Variants in ITGA1 observed in about 807,000 individuals in gnomAD.
ITGA1 encodes integrin alpha-1.
Under a neutral mutation model 145.9 loss-of-function variants are expected in ITGA1, and 85 were observed. The observed-to-expected ratio is 0.58, with a 90% CI of 0.49 to 0.70. ITGA1 has a LOEUF of 0.70. Ranked by LOEUF, ITGA1 falls within the 30% of genes least tolerant of loss-of-function variation. The pLI is 0.00. For synonymous variants in ITGA1, 520 were observed against 495.3 expected, an observed-to-expected ratio of 1.05 and a Z score of -0.66; for missense variants, 1,351 against 1,418.7, an observed-to-expected ratio of 0.95 and a Z score of 0.77.
At chr5:52,808,949 T>C (rs1423909108) in intron 1 of ITGA1, among the ~76,000 whole-genome samples, 5 of 152,112 alleles carry the variant, frequency 3.3e-5, no homozygotes, top group Admixed American at 1.3e-4. Context: ...CCTATTCATA[T>C]TGAGTCATTT....
intron 14 of ITGA1, among the ~76,000 whole-genome samples, chr5:52,912,102 G>A (rs1184736101): frequency 7.3e-6 from 1 of 137,010 alleles, no homozygotes; most frequent in African/African-American, 2.7e-5. Context: ...ACTATATATA[G>A]CGTATCTAGT....
chr5:52,855,069 C>T (rs1333419355), intron 2 of ITGA1, among the ~76,000 whole-genome samples: 1 of 152,148 alleles, frequency 6.6e-6, no homozygotes. Flanking sequence ...TGTGCCTGGG[C>T]CTTCACCTTG....
At chr5:52,925,519 CTT>C in intron 19 of ITGA1, 32 bp downstream of exon 19, 1 of 1,485,988 alleles carries the variant, frequency 6.7e-7, no homozygotes, top group Non-Finnish European at 9.4e-7. Context: ...TATTTGTTCT[CTT>C]AACATCATTT....
intron 14 of ITGA1, among the ~76,000 whole-genome samples, chr5:52,910,743 T>C (rs1034933008): frequency 1.4e-5 from 2 of 146,420 alleles, no homozygotes; most frequent in African/African-American, 2.5e-5. Flanking sequence ...ATAGTATGTA[T>C]AGTGTTCCTT....
intron 1 of ITGA1, among the ~76,000 whole-genome samples, chr5:52,848,942 G>A (rs1281415342): frequency 6.6e-6 from 1 of 152,116 alleles, no homozygotes; most frequent in African/African-American, 2.4e-5. Flanking sequence ...ATTCCATGGT[G>A]TATATGTACT....
intron 7 of ITGA1, among the ~76,000 whole-genome samples, chr5:52,886,936 A>C (rs530493554): frequency 5.3e-5 from 8 of 152,008 alleles, no homozygotes; most frequent in Admixed American, 5.2e-4. Flanking sequence ...CCGCCACCGC[A>C]CCCGGCTAAT....
intron 14 of ITGA1, among the ~76,000 whole-genome samples, chr5:52,915,174 CA>C (rs2111863636): frequency 6.6e-6 from 1 of 152,166 alleles, no homozygotes; most frequent in Admixed American, 6.5e-5. Flanking sequence ...AGCACAGAAC[CA>C]ATTACTCATA....
At chr5:52,802,668 C>G (rs957618785) in intron 1 of ITGA1, 1 of 152,142 alleles carries the variant, frequency 6.6e-6, no homozygotes, top group South Asian at 2.1e-4. Flanking sequence ...GTTCTTTGCG[C>G]CAAAACATGC....
rs769816944 is a variant in ITGA1 at position 52,933,920 on chromosome 5, T to C, written c.2888T>C (p.Ile963Thr). ...TCTGCAAGTGAATACCACATTTCAA[T>C]TGCTGCCAATGAGACAGTCCCTGAA... ...YSSASEYHIS[I>T]AANETVPEVI... The change falls in exon 23 of 29, where the codon ATT (isoleucine) becomes ACT (threonine). Residue 963 changes from isoleucine (I) to threonine (T), a missense_variant. By Grantham distance (89) the Ile-to-Thr change is moderately conservative (BLOSUM62 -1). Coordinates refer to ENST00000282588, the MANE Select transcript of ITGA1 (RefSeq NM_181501.2). 2.6e-6 allele frequency: 4 copies of C among 1,533,516 alleles called. No individual in the cohort carries two copies. The highest frequency in any genetic ancestry group is 2.6e-6 in the Non-Finnish European group (3 of 1,135,090). 95.0% of individuals were successfully genotyped at this position (1,533,516 alleles called of 1,614,324 possible). A position where few individuals can be genotyped will look rare whatever the true frequency, so the allele number is the denominator to read the frequency against.
chr5:52,880,000 T>C (rs1018206689), intron 6 of ITGA1, among the ~76,000 whole-genome samples: 6 of 152,264 alleles, frequency 3.9e-5, no homozygotes, highest in African/African-American at 1.4e-4. Context: ...TGTGTTTGTT[T>C]CATCATATAC....
chr5:52,827,836 A>T, intron 1 of ITGA1, among the ~76,000 whole-genome samples: 1 of 152,212 alleles, frequency 6.6e-6, no homozygotes, highest in East Asian at 1.9e-4. Flanking sequence ...TTTTGTAGAA[A>T]TAATGCTTTG....
chr5:52,866,990 G>C (rs1749697202), intron 6 of ITGA1: 1 of 150,266 alleles, frequency 6.7e-6, no homozygotes, highest in African/African-American at 2.4e-5. Context: ...TAAGATTATA[G>C]TACTGCAATC....
chr5:52,865,067 A>G lies in ITGA1; in HGVS notation c.481A>G (p.Ile161Val). Residue 161 changes from isoleucine to valine, a missense_variant, in exon 5 of 29, where the codon ATT (isoleucine) becomes GTT (valine). Coordinates refer to ENST00000282588, the MANE Select transcript of ITGA1 (RefSeq NM_181501.2). ...VSPTFQVVNSIAPVQECSTQL... is the reference protein window; with the variant it reads ...VSPTFQVVNSVAPVQECSTQL... ...CCCCACATTTCAAGTCGTGAATTCC[A>G]TTGCCCCTGTACAAGGTACAGATTT... The G allele has an allele frequency of 6.2e-7, 1 of 1,611,810 alleles. No homozygotes were observed. The highest frequency in any genetic ancestry group is 8.5e-7 in the Non-Finnish European group (1 of 1,178,238).
chr5:52,870,269 T>A (rs751434473), intron 6 of ITGA1, among the ~76,000 whole-genome samples: 2 of 152,236 alleles, frequency 1.3e-5, no homozygotes, highest in Non-Finnish European at 2.9e-5. Context: ...CAGAATTAAC[T>A]TCTGGAATTT....
chr5:52,841,318 C>A (rs1004889775), intron 1 of ITGA1, among the ~76,000 whole-genome samples: 2 of 152,150 alleles, frequency 1.3e-5, no homozygotes, highest in Non-Finnish European at 2.9e-5. Flanking sequence ...ATTATGATGT[C>A]ATTTCCAAAT....
At chr5:52,808,574 CA>C (rs1376299464) in intron 1 of ITGA1, among the ~76,000 whole-genome samples, 1 of 151,298 alleles carries the variant, frequency 6.6e-6, no homozygotes. Context: ...TCTTGTGTTT[CA>C]GCTCATTTGA....
At chr5:52,836,508 A>G (rs2111731397) in intron 1 of ITGA1, among the ~76,000 whole-genome samples, 1 of 152,258 alleles carries the variant, frequency 6.6e-6, no homozygotes, top group East Asian at 1.9e-4. Context: ...GTTGAATCTC[A>G]GTCATGTACA....
intron 15 of ITGA1, 76 bp from the exon 16 acceptor site, chr5:52,918,656 T>C: frequency 4.1e-6 from 6 of 1,449,280 alleles, no homozygotes; most frequent in Middle Eastern, 1.9e-4. Context: ...TTCCATGCAC[T>C]CACTTTGCAC....
intron 3 of ITGA1, among the ~76,000 whole-genome samples, chr5:52,861,861 C>A (rs1198729112): frequency 1.1e-5 from 1 of 87,122 alleles, no homozygotes; most frequent in Admixed American, 1.2e-4. Context: ...CAGAGTGAGA[C>A]CCTGTCTCAA....
Sources: gnomAD v4.1 joint callset for allele counts (sites outside exome capture counted in the v4.1 genomes callset) on GRCh38, gnomAD v4.1.1 for gene constraint, MANE v1.5 for transcripts, NCBI Gene and HGNC (gene_info 2026-07-23, HGNC 2026-07-21) for gene names.